SGCD: variants seen among roughly 807,000 people sequenced by gnomAD.
SGCD encodes delta-sarcoglycan.
A neutral mutation model predicts 36.6 loss-of-function variants in SGCD; 18 were observed. That is an observed-to-expected ratio of 0.49 (90% CI 0.34 to 0.73). The LOEUF is 0.73. SGCD is among the 30% of genes least tolerant of loss of function. The pLI is 0.01. For missense variants in SGCD, 387 were observed against 346.7 expected (o/e 1.12, Z -0.92); for synonymous variants, 133 against 130.6 (o/e 1.02, Z -0.12).
intron 6 of SGCD, among the ~76,000 whole-genome samples, chr5:156,596,840 C>A (rs6872066): frequency 0.056 from 8,586 of 152,092 alleles, 547 homozygotes; most frequent in East Asian, 0.22. Context: ...CGCATATGTA[C>A]ATGTGTGCAT....
chr5:156,676,593 C>T (rs577547948), intron 7 of SGCD, among the ~76,000 whole-genome samples: 40 of 152,160 alleles, frequency 2.6e-4, no homozygotes, highest in African/African-American at 9.4e-4. Flanking sequence ...GCTGGCCTTG[C>T]GGTTCACGAA....
intron 1 of SGCD, among the ~76,000 whole-genome samples, chr5:156,005,097 A>C (rs1758730458): frequency 6.6e-6 from 1 of 152,182 alleles, no homozygotes; most frequent in Admixed American, 6.5e-5. Context: ...CAAAAGCTTT[A>C]AGATAAATCT....
At chr5:156,466,291 T>G (rs546359931) in intron 3 of SGCD, among the ~76,000 whole-genome samples, 3 of 152,196 alleles carry the variant, frequency 2.0e-5, no homozygotes, top group Non-Finnish European at 4.4e-5. Context: ...CTACAAAGAC[T>G]CTAGAGAGTA....
At chr5:156,683,382 C>G (rs571582155) in intron 7 of SGCD, among the ~76,000 whole-genome samples, 18 of 152,182 alleles carry the variant, frequency 1.2e-4, no homozygotes, top group African/African-American at 4.3e-4. Flanking sequence ...CTATTTTATC[C>G]CCAGTATCAA....
chr5:156,726,418 C>A (rs948721175), intron 7 of SGCD, among the ~76,000 whole-genome samples: 5 of 152,212 alleles, frequency 3.3e-5, no homozygotes, highest in African/African-American at 1.2e-4. Context: ...TAATTACTTT[C>A]TAACTTGTGT....
intron 1 of SGCD, among the ~76,000 whole-genome samples, chr5:156,068,648 T>C (rs1423427325): frequency 6.6e-6 from 1 of 151,770 alleles, no homozygotes; most frequent in Non-Finnish European, 1.5e-5. Flanking sequence ...AGTAATGGGA[T>C]GGCTGGGTCA....
At chr5:155,826,565 G>A in the SGCD span, among the ~76,000 whole-genome samples, 1 of 152,146 alleles carries the variant, frequency 6.6e-6, no homozygotes, top group Non-Finnish European at 1.5e-5. Flanking sequence ...TGCATTTGGT[G>A]TTCCCTCTGT....
At chr5:155,771,259 C>CT in the SGCD span, among the ~76,000 whole-genome samples, 3 of 151,600 alleles carry the variant, frequency 2.0e-5, no homozygotes, top group Admixed American at 6.6e-5. Flanking sequence ...TAGATTTTTC[C>CT]TTTTTTTAAC....
In SGCD at chr5:156,056,654, A is replaced by AAAAAAAAAAAAAAC. The variant is rs1209421786; in HGVS notation, c.-281-61213_-281-61212insAACAAAAAAAAAAA. Among the ~76,000 whole-genome samples the AAAAAAAAAAAAAAC allele has an allele frequency of 6.2e-3, 861 of 137,832 alleles. 45 individuals are homozygous for AAAAAAAAAAAAAAC. The highest frequency in any genetic ancestry group is 0.023 in the African/African-American group (809 of 35,682). 90.4% of individuals were successfully genotyped at this position (137,832 alleles called of 152,430 possible). A position where few individuals can be genotyped will look rare whatever the true frequency, so the allele number is the denominator to read the frequency against. On this transcript the variant is annotated intron_variant, in intron 1 of 9. Coordinates refer to the SGCD transcript ENST00000517913. ...CCTGCCAAATTATCCTTAAAAAAAA[A>AAAAAAAAAAAAAAC]AAAAAAAAAAACAGTCTCCAAATTT...
intron 1 of SGCD, among the ~76,000 whole-genome samples, chr5:155,967,031 A>G (rs1334632958): frequency 6.6e-6 from 1 of 151,596 alleles, no homozygotes; most frequent in Non-Finnish European, 1.5e-5. Context: ...GTGTGTGTCC[A>G]TCTCCTCCTT....
At chr5:155,922,667 A>G (rs981143496) in intron 1 of SGCD, among the ~76,000 whole-genome samples, 3 of 152,226 alleles carry the variant, frequency 2.0e-5, no homozygotes, top group Non-Finnish European at 4.4e-5. Flanking sequence ...GTGTGTGGGT[A>G]TATTTTTCAG....
At chr5:156,563,000 G>A (rs574420361) in intron 4 of SGCD, among the ~76,000 whole-genome samples, 6 of 151,862 alleles carry the variant, frequency 4.0e-5, no homozygotes, top group Non-Finnish European at 7.4e-5. Flanking sequence ...ATTTTGAGAC[G>A]GAGTTTTGCT....
chr5:156,328,538 A>G (rs1006441902), intron 1 of SGCD, among the ~76,000 whole-genome samples: 2 of 152,202 alleles, frequency 1.3e-5, no homozygotes, highest in Non-Finnish European at 2.9e-5. Flanking sequence ...CTGAAAGAAA[A>G]GTGGAGAGCC....
intron 1 of SGCD, among the ~76,000 whole-genome samples, chr5:155,930,668 C>T (rs1561653657): frequency 6.6e-6 from 1 of 152,124 alleles, no homozygotes; most frequent in Non-Finnish European, 1.5e-5. Flanking sequence ...TTCTGTTCCA[C>T]ATTTATTATG....
intron 6 of SGCD, among the ~76,000 whole-genome samples, chr5:156,609,654 C>A (rs943949768): frequency 6.6e-6 from 1 of 152,194 alleles, no homozygotes; most frequent in Non-Finnish European, 1.5e-5. Flanking sequence ...CAACTTGGTT[C>A]CATTCTCCCC....
At chr5:156,479,162 G>A (rs1175406993) in intron 3 of SGCD, among the ~76,000 whole-genome samples, 2 of 151,280 alleles carry the variant, frequency 1.3e-5, no homozygotes, top group Non-Finnish European at 3.0e-5. Context: ...ACATGATCTC[G>A]GCTCACTGCA....
intron 4 of SGCD, among the ~76,000 whole-genome samples, chr5:156,536,292 AGTGT>A (rs1209052124): frequency 1.3e-5 from 2 of 152,200 alleles, no homozygotes; most frequent in Non-Finnish European, 2.9e-5. Context: ...GTCTCTAGTT[AGTGT>A]GTGGAGCAGC....
chr5:155,946,023 G>A (rs1347249803), intron 1 of SGCD, among the ~76,000 whole-genome samples: 1 of 152,126 alleles, frequency 6.6e-6, no homozygotes, highest in Admixed American at 6.5e-5. Flanking sequence ...GCATTGTGAT[G>A]AAACATGGAT....
At chr5:156,582,010 G>A (rs2113340462) in intron 4 of SGCD, among the ~76,000 whole-genome samples, 1 of 152,288 alleles carries the variant, frequency 6.6e-6, no homozygotes. Flanking sequence ...CATCAATCAT[G>A]CTGGGAGATG....
Sources: allele counts gnomAD v4.1 joint callset (sites outside exome capture counted in the v4.1 genomes callset), GRCh38; gene constraint gnomAD v4.1.1; transcripts MANE v1.5; gene names NCBI Gene and HGNC (gene_info 2026-07-23, HGNC 2026-07-21).